The following CEP162 variants were observed in gnomAD, a reference collection of about 807,000 sequenced individuals.
CEP162 encodes centrosomal protein 162, also known as centrosomal protein of 162 kDa.
CEP162 carries 141 observed loss-of-function variants against 169.2 expected under a neutral mutation model. The observed-to-expected ratio is 0.83, with a 90% CI of 0.73 to 0.96. The LOEUF is 0.96. Ranked by LOEUF, CEP162 falls within the 40% of genes least tolerant of loss-of-function variation. The pLI is 0.00. For missense variants in CEP162, 1,600 were observed against 1,587.2 expected (o/e 1.01, Z -0.14); for synonymous variants, 540 against 526.4 (o/e 1.03, Z -0.35).
intron 11 of CEP162, 143 bp from the exon 12 acceptor site, chr6:84,186,766 CA>C: frequency 1.5e-6 from 1 of 676,706 alleles, no homozygotes; most frequent in South Asian, 2.1e-5. Flanking sequence ...ATGTTAAATA[CA>C]GTATAATTTT....
At chr6:84,226,114 CA>C (rs779618425) in intron 2 of CEP162, among the ~76,000 whole-genome samples, 12 of 151,396 alleles carry the variant, frequency 7.9e-5, no homozygotes, top group Non-Finnish European at 1.3e-4. Context: ...AGTCTGACTG[CA>C]GTGTGGTGAA....
At chr6:84,131,936 C>G (rs753745625) in intron 25 of CEP162, among the ~76,000 whole-genome samples, 125 of 152,274 alleles carry the variant, frequency 8.2e-4, no homozygotes, top group Non-Finnish European at 1.3e-3. Context: ...CTTCCTAGCA[C>G]TGATGGTCTT....
At position 84,165,856 on chromosome 6, in the gene CEP162, A is replaced by G. The variant is rs191025690; in HGVS notation, c.2386-2586T>C. ...CTAGCTGCATCGCAGATTTAACTGC[A>G]TCATTTCATTGTTTAATCTTCTGTA... On this transcript the variant is annotated intron_variant, in intron 18 of 26. Coordinates refer to ENST00000403245, the MANE Select transcript of CEP162 (RefSeq NM_014895.4). Among the ~76,000 whole-genome samples the G allele has an allele frequency of 4.5e-3, 692 of 152,340 alleles. 8 individuals are homozygous for G. The highest frequency in any genetic ancestry group is 0.016 in the African/African-American group (660 of 41,592).
In CEP162 at chr6:84,200,907, TG is replaced by T. The variant is rs1196202381; in HGVS notation, c.719-3del. The T allele has an allele frequency of 6.5e-7, 1 of 1,541,766 alleles. No individual in the cohort carries two copies. The highest frequency in any genetic ancestry group is 1.4e-5 in the African/African-American group (1 of 73,414). ...AGTCTAATGAATCAAGCAGCACAAC[TG>T]GAAGAATATAAAAGAAAAATATAAG... On this transcript the variant is annotated splice_region_variant and splice_polypyrimidine_tract_variant and intron_variant, in intron 8 of 26. Coordinates refer to ENST00000403245, the MANE Select transcript of CEP162 (RefSeq NM_014895.4).
At chr6:84,128,232 G>A (rs1292673163) in intron 25 of CEP162, among the ~76,000 whole-genome samples, 3 of 152,066 alleles carry the variant, frequency 2.0e-5, no homozygotes, top group Non-Finnish European at 4.4e-5. Context: ...GACAAATAGA[G>A]AAAATTTCCT....
chr6:84,151,306 A>T (rs1327767257), intron 23 of CEP162, among the ~76,000 whole-genome samples: 1 of 152,088 alleles, frequency 6.6e-6, no homozygotes, highest in Non-Finnish European at 1.5e-5. Flanking sequence ...TTGGAGTGGG[A>T]AAATTGTATA....
chr6:84,178,840 G>GA (rs2099533501), intron 13 of CEP162, among the ~76,000 whole-genome samples: 3 of 152,036 alleles, frequency 2.0e-5, no homozygotes, highest in Non-Finnish European at 4.4e-5. Flanking sequence ...GCCCTGGTAT[G>GA]TGCTGTTCCC....
rs1024579930 is a variant in CEP162, at chr6:84,215,971, T to C, written c.173-49A>G. 4 of 1,472,866 alleles carry C rather than the reference T, an allele frequency of 2.7e-6. No homozygotes were observed. In the Admixed American group the frequency reaches 8.5e-5, roughly 31 times the overall value. 91.2% of individuals were successfully genotyped at this position (1,472,866 alleles called of 1,614,324 possible). On this transcript the variant is annotated intron_variant, in intron 3 of 26. Coordinates refer to ENST00000403245, the MANE Select transcript of CEP162 (RefSeq NM_014895.4). Reference sequence around the variant, plus strand: ...TGAAGATTTATGTTCAAAGAATTGTTTTGGCCACTATGACAACACAATAAT... The same window carrying C: ...TGAAGATTTATGTTCAAAGAATTGTCTTGGCCACTATGACAACACAATAAT...
chr6:84,186,114 GC>G (rs1482426721), intron 12 of CEP162, among the ~76,000 whole-genome samples: 1 of 151,984 alleles, frequency 6.6e-6, no homozygotes, highest in African/African-American at 2.4e-5. Context: ...ATAAAGAATG[GC>G]TTCTAAAAGC....
chr6:84,201,881 C>T (rs575340336), intron 7 of CEP162, 114 bp from the exon 8 acceptor site: 79 of 549,472 alleles, frequency 1.4e-4, no homozygotes, highest in African/African-American at 8.3e-4. Flanking sequence ...CACATTGAAA[C>T]GATCAGGAAC....
intron 21 of CEP162, 91 bp downstream of exon 21, chr6:84,160,721 C>A: frequency 1.3e-6 from 1 of 758,226 alleles, no homozygotes. Flanking sequence ...TCCAGGTCAA[C>A]TCCATCTCAT....
intron 13 of CEP162, among the ~76,000 whole-genome samples, chr6:84,179,634 T>C (rs535515265): frequency 1.3e-5 from 2 of 152,282 alleles, no homozygotes; most frequent in Non-Finnish European, 2.9e-5. Context: ...ACTCTAATGG[T>C]AGTTTCTTTT....
chr6:84,134,812 C>G (rs529934062), intron 25 of CEP162, among the ~76,000 whole-genome samples: 2 of 151,954 alleles, frequency 1.3e-5, no homozygotes, highest in African/African-American at 2.4e-5. Context: ...CAGCCTCCCC[C>G]CCACAGATTA....
At chr6:84,153,723 CTCAT>C (rs1417759176) in intron 22 of CEP162, among the ~76,000 whole-genome samples, 1 of 152,130 alleles carries the variant, frequency 6.6e-6, no homozygotes, top group Non-Finnish European at 1.5e-5. Context: ...GCAGTGTTTG[CTCAT>C]TCATTCAATG....
intron 14 of CEP162, 59 bp from the exon 15 acceptor site, chr6:84,175,013 G>A: frequency 8.7e-7 from 1 of 1,149,370 alleles, no homozygotes; most frequent in South Asian, 1.5e-5. Flanking sequence ...TTGAACACAG[G>A]TGGTTAATTA....
At chr6:84,176,440 A>G (rs1035796144) in intron 13 of CEP162, among the ~76,000 whole-genome samples, 4 of 152,200 alleles carry the variant, frequency 2.6e-5, no homozygotes, top group African/African-American at 9.7e-5. Context: ...TCATTGTAAG[A>G]GCAGGCTTTC....
At chr6:84,178,773 T>C (rs1452520907) in intron 13 of CEP162, among the ~76,000 whole-genome samples, 2 of 152,210 alleles carry the variant, frequency 1.3e-5, no homozygotes, top group Non-Finnish European at 2.9e-5. Flanking sequence ...ACTCATCATT[T>C]AAATTAGGTA....
At chr6:84,158,387 C>T (rs1159271148) in intron 21 of CEP162, among the ~76,000 whole-genome samples, 2 of 152,132 alleles carry the variant, frequency 1.3e-5, no homozygotes, top group East Asian at 1.9e-4. Context: ...TTGTTAAGCA[C>T]TTAAGAGTGC....
rs999870673 is a variant in CEP162 at position 84,174,096 on chromosome 6, G to T, written c.2118C>A (p.Ile706=). 43 of 1,611,808 alleles carry T rather than the reference G, an allele frequency of 2.7e-5. No homozygotes were observed. Among genetic ancestry groups the T allele is most frequent in the Non-Finnish European group, 3.6e-5 (42 of 1,178,704 alleles). ...TCTCTTGTTCTTGTATTTCTTTTTGGATTTGCTTCAACTTTTCTCCAGTGA... is the reference window on the plus strand; with the variant it reads ...TCTCTTGTTCTTGTATTTCTTTTTGTATTTGCTTCAACTTTTCTCCAGTGA... ...DPVTGEKLKQ[I]QKEIQEQETL... is the part of the protein sequence containing the mutation. The change falls in exon 16 of 27, where the codon ATC becomes ATA. Residue 706 remains isoleucine (I), a synonymous_variant. Coordinates refer to ENST00000403245, the MANE Select transcript of CEP162 (RefSeq NM_014895.4).
Sources: allele counts gnomAD v4.1 joint callset (sites outside exome capture counted in the v4.1 genomes callset), GRCh38; gene constraint gnomAD v4.1.1; transcripts MANE v1.5; gene names NCBI Gene and HGNC (gene_info 2026-07-23, HGNC 2026-07-21).